Variants in DSCAM observed in about 807,000 individuals in gnomAD.
The protein encoded by DSCAM is cell adhesion molecule DSCAM.
Under a neutral mutation model 217.7 loss-of-function variants are expected in DSCAM, and 47 were observed. The observed-to-expected ratio is 0.22, with a 90% CI of 0.17 to 0.28. The LOEUF is 0.28. Ranked by LOEUF, DSCAM falls within the 10% of genes least tolerant of loss-of-function variation. DSCAM has a pLI of 1.00. For synonymous variants in DSCAM, 1,056 were observed against 1,015.3 expected (o/e 1.04, Z -0.76); for missense variants, 2,080 against 2,618.3 (o/e 0.79, Z 4.49).
chr21:40,503,300 C>G (rs999817036), intron 3 of DSCAM, among the ~76,000 whole-genome samples: 8 of 152,156 alleles, frequency 5.3e-5, no homozygotes, highest in African/African-American at 1.9e-4. Context: ...TCACTCACCG[C>G]CTGATATGCT....
At chr21:40,482,420 T>A (rs2145990334) in intron 3 of DSCAM, among the ~76,000 whole-genome samples, 1 of 152,360 alleles carries the variant, frequency 6.6e-6, no homozygotes, top group South Asian at 2.1e-4. Context: ...TTCACACTGT[T>A]CTTTGCTCTC....
intron 3 of DSCAM, among the ~76,000 whole-genome samples, chr21:40,565,944 A>G (rs375829400): frequency 1.1e-3 from 174 of 152,218 alleles, no homozygotes; most frequent in African/African-American, 3.8e-3. Context: ...TTTTATATCA[A>G]CTTTACACCC....
chr21:40,150,106 A>G (rs77402893), intron 16 of DSCAM, among the ~76,000 whole-genome samples: 10,874 of 152,254 alleles, frequency 0.071, 468 homozygotes, highest in East Asian at 0.2. Context: ...TCCCTAAAAA[A>G]CCCCACACAG....
At chr21:40,582,594 T>G (rs2076914040) in intron 3 of DSCAM, among the ~76,000 whole-genome samples, 1 of 152,186 alleles carries the variant, frequency 6.6e-6, no homozygotes, top group South Asian at 2.1e-4. Flanking sequence ...GATAGCAAAT[T>G]AGAGACATAA....
chr21:40,719,579 C>T (rs1032992981), intron 1 of DSCAM, among the ~76,000 whole-genome samples: 3 of 152,186 alleles, frequency 2.0e-5, no homozygotes, highest in South Asian at 2.1e-4. Flanking sequence ...AAAATTGATA[C>T]ATCGTGATAT....
intron 22 of DSCAM, among the ~76,000 whole-genome samples, chr21:40,086,606 G>A (rs1333656366): frequency 3.9e-5 from 6 of 152,130 alleles, no homozygotes; most frequent in Admixed American, 2.6e-4. Flanking sequence ...CCTGAATAGA[G>A]ATATAGCACT....
chr21:40,309,916 C>T (rs1300309649), intron 9 of DSCAM, among the ~76,000 whole-genome samples: 1 of 152,132 alleles, frequency 6.6e-6, no homozygotes, highest in East Asian at 1.9e-4. Flanking sequence ...ATCAATCAGG[C>T]CATAGTGCTG....
At chr21:40,397,384 C>T (rs140174272) in intron 3 of DSCAM, among the ~76,000 whole-genome samples, 1 of 152,070 alleles carries the variant, frequency 6.6e-6, no homozygotes, top group East Asian at 1.9e-4. Context: ...TGTGTGGCAA[C>T]TCCCTCTCAC....
At chr21:40,681,694 G>A (rs2090402588) in intron 3 of DSCAM, among the ~76,000 whole-genome samples, 1 of 152,196 alleles carries the variant, frequency 6.6e-6, no homozygotes, top group Admixed American at 6.5e-5. Flanking sequence ...AAACAGGGTT[G>A]TGGTAGATGT....
At chr21:40,745,142 G>A (rs932427697) in intron 1 of DSCAM, among the ~76,000 whole-genome samples, 3 of 151,906 alleles carry the variant, frequency 2.0e-5, no homozygotes, top group South Asian at 2.1e-4. Flanking sequence ...GATTGAAGAA[G>A]GCCTATGAGA....
intron 3 of DSCAM, among the ~76,000 whole-genome samples, chr21:40,591,815 T>A (rs777962847): frequency 1.3e-5 from 2 of 152,188 alleles, no homozygotes; most frequent in African/African-American, 4.8e-5. Context: ...TTGGAGAAAA[T>A]GCATTCGATT....
chr21:40,642,053 A>AG (rs2089888673), intron 3 of DSCAM, among the ~76,000 whole-genome samples: 1 of 146,466 alleles, frequency 6.8e-6, no homozygotes, highest in Non-Finnish European at 1.5e-5. Context: ...AAAAAAAAAA[A>AG]AAAAAACAAA....
chr21:40,579,520 A>G (rs188361882), intron 3 of DSCAM, among the ~76,000 whole-genome samples: 2 of 152,280 alleles, frequency 1.3e-5, no homozygotes, highest in Admixed American at 1.3e-4. Flanking sequence ...AGATTCTAGA[A>G]CTGACAAACA....
chr21:40,594,306 G>C (rs1028691314), intron 3 of DSCAM, among the ~76,000 whole-genome samples: 2 of 152,220 alleles, frequency 1.3e-5, no homozygotes, highest in Non-Finnish European at 2.9e-5. Flanking sequence ...AAAGCCATGA[G>C]TCCCTGGAAG....
chr21:40,693,647 A>G (rs2090564723), intron 2 of DSCAM, among the ~76,000 whole-genome samples: 1 of 152,178 alleles, frequency 6.6e-6, no homozygotes, highest in Admixed American at 6.5e-5. Flanking sequence ...TTTTCTGGGA[A>G]GCCTTGAGAA....
intron 7 of DSCAM, 35 bp downstream of exon 7, chr21:40,339,084 T>C (rs368287453): frequency 9.3e-6 from 15 of 1,607,514 alleles, no homozygotes; most frequent in Admixed American, 6.7e-5. Context: ...TAATGAGTTA[T>C]GTGTGTTTTT....
At chr21:40,406,510 GAA>G (rs770235577) in intron 3 of DSCAM, among the ~76,000 whole-genome samples, 5 of 152,182 alleles carry the variant, frequency 3.3e-5, no homozygotes, top group Non-Finnish European at 7.3e-5. Flanking sequence ...GGATAAACCT[GAA>G]GGACATTACG....
At position 40,014,814 on chromosome 21, in the gene DSCAM, C is replaced by T. The variant is rs949742337; in HGVS notation, c.5687-1428G>A. Among the ~76,000 whole-genome samples, 3 of 152,264 alleles carry T rather than the reference C, an allele frequency of 2.0e-5. No homozygotes were observed. The South Asian group carries it at 6.2e-4, about 31-fold the overall frequency. On this transcript the variant is annotated intron_variant, in intron 32 of 32. Transcript: ENST00000400454. ...CGCTTCTCAAAAACCTGAACTGACA[C>T]AGCTTCTTTCACCATCAGCTACTGA...
At chr21:40,049,785 A>G (rs371674527) in intron 30 of DSCAM, among the ~76,000 whole-genome samples, 3 of 152,262 alleles carry the variant, frequency 2.0e-5, no homozygotes, top group South Asian at 4.1e-4. Context: ...ACTGGTTTAC[A>G]GTATCTGCTG....
Sources: allele counts gnomAD v4.1 joint callset (sites outside exome capture counted in the v4.1 genomes callset), GRCh38; gene constraint gnomAD v4.1.1; transcripts MANE v1.5; gene names NCBI Gene and HGNC (gene_info 2026-07-23, HGNC 2026-07-21).